Variants in WDTC1 observed in about 807,000 individuals in gnomAD.
WDTC1 encodes WD and tetratricopeptide repeats protein 1.
Under a neutral mutation model 76.0 loss-of-function variants are expected in WDTC1, and 12 were observed. That is an observed-to-expected ratio of 0.16 (90% CI 0.10 to 0.26). The LOEUF (loss-of-function observed/expected upper bound fraction) is 0.26. Ranked by LOEUF, WDTC1 falls within the 10% of genes least tolerant of loss-of-function variation. The pLI is 1.00. For synonymous variants in WDTC1, 326 were observed against 350.8 expected (o/e 0.93, Z 0.79); for missense variants, 511 against 908.8 (o/e 0.56, Z 5.63).
chr1:27,304,211 C>T lies in WDTC1; in HGVS notation c.1643+416C>T, dbSNP rs568202055. 22 of 211,718 alleles carry T rather than the reference C, an allele frequency of 1.0e-4. No individual in the cohort carries two copies. The South Asian group carries it at 1.3e-3, about 13-fold the overall frequency. The allele number at this position is 211,718 out of a possible 1,614,324, so 13.1% of individuals were successfully genotyped here. ...TCTGTTTTGTGCTCAAAACTGTGCCCTGTGTACTAAGGGACAAACTCTGTG... is the reference window on the plus strand; with the variant it reads ...TCTGTTTTGTGCTCAAAACTGTGCCTTGTGTACTAAGGGACAAACTCTGTG... On this transcript the variant is annotated intron_variant, in intron 14 of 15. Coordinates refer to ENST00000319394, the MANE Select transcript of WDTC1 (RefSeq NM_001276252.2).
chr1:27,306,114 C>G lies in WDTC1; in HGVS notation c.1837-72C>G, dbSNP rs894507111. ...GTTTAGTCTGTGTATTTCCCTCCCC[C>G]TCCCCTATACGTGTACCCTGGTGCC... On this transcript the variant is annotated intron_variant, in intron 15 of 15. Transcript: ENST00000319394. The surrounding 1 kb of genome is among the most constrained non-coding windows in gnomAD (Gnocchi z 5.0). 4 of 1,555,350 alleles carry G rather than the reference C, an allele frequency of 2.6e-6. No homozygotes were observed. Among genetic ancestry groups the G allele is most frequent in the South Asian group, 1.1e-5 (1 of 89,022 alleles).
Position 27,306,653 on chromosome 1 carries a change from A to G in WDTC1, c.*270A>G, listed in dbSNP as rs2013964086. ...ATGCCCCCCCCCATCTCCTGCTTTC[A>G]TGTCCCTGGAGGGCTCTGGCCTGCC... On this transcript the variant is annotated 3_prime_UTR_variant, in exon 16 of 16. Coordinates refer to ENST00000319394, the MANE Select transcript of WDTC1 (RefSeq NM_001276252.2). This position sits in a 1 kb window ranked among gnomAD's most constrained non-coding sequence, Gnocchi z 5.0. The G allele has an allele frequency of 3.9e-6, 2 of 516,516 alleles. No individual in the cohort carries two copies. The highest frequency in any genetic ancestry group is 7.0e-6 in the Non-Finnish European group (2 of 286,000). 32.0% of individuals were successfully genotyped at this position (516,516 alleles called of 1,614,324 possible). A position where few individuals can be genotyped will look rare whatever the true frequency, so the allele number is the denominator to read the frequency against.
rs149286456 is a variant in WDTC1, at chr1:27,297,970, G to A, written c.1091G>A (p.Arg364His). 3.1e-5 allele frequency: 50 copies of A among 1,613,794 alleles called. No homozygotes were observed. In the Middle Eastern group the frequency reaches 9.9e-4, roughly 32 times the overall value. Residue 364 changes from arginine to histidine, a missense_variant, in exon 12 of 16, where the codon CGT becomes CAT. Physicochemically the swap from Arg to His is conservative, Grantham distance 29. Coordinates refer to ENST00000319394, the MANE Select transcript of WDTC1 (RefSeq NM_001276252.2). ...PQVELPPYLE[R>H]VKQQANEAFA... ...GTAGAGCTACCACCATACCTGGAGC[G>A]TGTGAAACAGCAAGCCAATGAGGCT...
At chr1:27,272,133 C>T (rs1433010024) in intron 3 of WDTC1, among the ~76,000 whole-genome samples, 1 of 151,772 alleles carries the variant, frequency 6.6e-6, no homozygotes, top group Non-Finnish European at 1.5e-5. Flanking sequence ...GTAATCCCAG[C>T]TGCTCGGGAG....
intron 1 of WDTC1, among the ~76,000 whole-genome samples, chr1:27,246,624 C>T (rs1396863977): frequency 6.6e-6 from 1 of 151,632 alleles, no homozygotes; most frequent in Non-Finnish European, 1.5e-5. Flanking sequence ...TGCAATGGCA[C>T]GATCTGGGCT....
At chr1:27,246,301 A>T (rs1051840172) in intron 1 of WDTC1, among the ~76,000 whole-genome samples, 2 of 152,212 alleles carry the variant, frequency 1.3e-5, no homozygotes, top group Non-Finnish European at 2.9e-5. Flanking sequence ...TTGACATTTC[A>T]CATAAATAGA....
intron 10 of WDTC1, among the ~76,000 whole-genome samples, 180 bp downstream of exon 10, chr1:27,296,581 A>C (rs3813789): frequency 0.12 from 18,496 of 152,256 alleles, 1,274 homozygotes; most frequent in South Asian, 0.18. Context: ...GATCTCTTCA[A>C]GAGCTTTGCA....
chr1:27,297,037 T>C lies in WDTC1; in HGVS notation c.950-11T>C. The C allele has an allele frequency of 6.2e-7, 1 of 1,613,270 alleles. No individual in the cohort carries two copies. The highest frequency in any genetic ancestry group is 8.5e-7 in the Non-Finnish European group (1 of 1,179,516). On this transcript the variant is annotated splice_polypyrimidine_tract_variant and intron_variant, in intron 10 of 15. Transcript: ENST00000319394. Reference sequence around the variant, plus strand: ...AGTTGTTGCTGTCACTTTCTCACTATCTCCTGCCAGAAGTCCAGAATGGCA... The same window carrying C: ...AGTTGTTGCTGTCACTTTCTCACTACCTCCTGCCAGAAGTCCAGAATGGCA...
At chr1:27,271,589 C>G (rs1197099292) in intron 3 of WDTC1, among the ~76,000 whole-genome samples, 4 of 151,846 alleles carry the variant, frequency 2.6e-5, no homozygotes, top group Non-Finnish European at 4.4e-5. Context: ...AGTGGGATGC[C>G]AACTAACTCA....
intron 10 of WDTC1, 27 bp from the exon 11 acceptor site, chr1:27,297,021 T>C: frequency 6.2e-7 from 1 of 1,609,272 alleles, no homozygotes; most frequent in Middle Eastern, 1.7e-4. Flanking sequence ...GAGTTGTTGC[T>C]GTCACTTTCT....
At chr1:27,255,053 T>G (rs2012230497) in intron 1 of WDTC1, among the ~76,000 whole-genome samples, 1 of 152,138 alleles carries the variant, frequency 6.6e-6, no homozygotes. Flanking sequence ...TTTTTGTTCC[T>G]TTTAGTATTT....
rs2013940613 is a variant in WDTC1 at position 27,305,797 on chromosome 1, G to A, written c.1837-389G>A. Among the ~76,000 whole-genome samples the A allele has an allele frequency of 6.6e-6, 1 of 152,138 alleles. No homozygotes were observed. The highest frequency in any genetic ancestry group is 6.5e-5 in the Admixed American group (1 of 15,282). ...ACCCCTATAGGCTTCCCCATTGAGA[G>A]GAGAGGAGAAAGAAAGATGAAGCAA... is the stretch of plus-strand genomic sequence containing the variant. On this transcript the variant is annotated intron_variant, in intron 15 of 15. Transcript: ENST00000319394. The surrounding 1 kb of genome is among the most constrained non-coding windows in gnomAD (Gnocchi z 4.6).
intron 5 of WDTC1, among the ~76,000 whole-genome samples, chr1:27,286,944 C>T (rs1297753390): frequency 2.0e-5 from 3 of 151,896 alleles, no homozygotes; most frequent in Admixed American, 6.6e-5. Flanking sequence ...AGGTGGATCA[C>T]CTGAGGTCAG....
Position 27,306,053 on chromosome 1 carries a change from C to A in WDTC1, c.1837-133C>A. 2.0e-6 allele frequency: 2 copies of A among 1,004,632 alleles called. No homozygotes were observed. Among genetic ancestry groups the A allele is most frequent in the Non-Finnish European group, 3.0e-6 (2 of 677,736 alleles). 62.2% of individuals were successfully genotyped at this position (1,004,632 alleles called of 1,614,324 possible). ...TGTGTGTTCCCCTCCACCATATACA[C>A]CTCCTGGCATGTATGTGTACCTCCC... On this transcript the variant is annotated intron_variant, in intron 15 of 15. Coordinates refer to ENST00000319394, the MANE Select transcript of WDTC1 (RefSeq NM_001276252.2). This position sits in a 1 kb window ranked among gnomAD's most constrained non-coding sequence, Gnocchi z 5.0.
At chr1:27,275,544 G>C (rs2012995952) in intron 3 of WDTC1, among the ~76,000 whole-genome samples, 1 of 151,834 alleles carries the variant, frequency 6.6e-6, no homozygotes, top group African/African-American at 2.4e-5. Context: ...CTTGAACCCA[G>C]GAGGCGGAGG....
chr1:27,276,497 A>C (rs1014784430), intron 3 of WDTC1, among the ~76,000 whole-genome samples: 1 of 152,096 alleles, frequency 6.6e-6, no homozygotes, highest in Admixed American at 6.6e-5. Flanking sequence ...GATTGAGACC[A>C]TGCTGGCTAA....
At chr1:27,285,536 C>T (rs566090512) in intron 5 of WDTC1, among the ~76,000 whole-genome samples, 7 of 152,200 alleles carry the variant, frequency 4.6e-5, no homozygotes, top group Non-Finnish European at 1.0e-4. Context: ...TTTTTGAACT[C>T]ACACGAGAAT....
intron 13 of WDTC1, among the ~76,000 whole-genome samples, chr1:27,302,118 T>C (rs1160365023): frequency 6.6e-6 from 1 of 152,190 alleles, no homozygotes; most frequent in African/African-American, 2.4e-5. Context: ...TTCACCTCTC[T>C]CCTTTGCAGT....
chr1:27,244,361 C>T (rs181120537), intron 1 of WDTC1, among the ~76,000 whole-genome samples: 15 of 152,220 alleles, frequency 9.9e-5, no homozygotes, highest in Admixed American at 3.9e-4. Flanking sequence ...GACAGCGCCT[C>T]ACTTTGTCAC....
Sources: gnomAD v4.1 joint callset for allele counts (sites outside exome capture counted in the v4.1 genomes callset) on GRCh38, gnomAD v4.1.1 for gene constraint, Gnocchi (gnomAD v3.1) non-coding constraint, MANE v1.5 for transcripts, NCBI Gene and HGNC (gene_info 2026-07-23, HGNC 2026-07-21) for gene names.